COPA: variants seen among roughly 807,000 people sequenced by gnomAD.
COPA encodes the protein coatomer subunit alpha.
Under a neutral mutation model 158.7 loss-of-function variants are expected in COPA, and 10 were observed. That is an observed-to-expected ratio of 0.06 (90% confidence interval 0.04 to 0.11). The LOEUF (loss-of-function observed/expected upper bound fraction) is 0.11, where lower values mean the gene tolerates loss of function less well. Ranked by LOEUF, COPA falls within the 10% of genes least tolerant of loss-of-function variation. COPA has a pLI of 1.00. For synonymous variants in COPA, 462 were observed against 542.8 expected, an observed-to-expected ratio of 0.85 and a Z score of 2.07; for missense variants, 1,065 against 1,536.7, an observed-to-expected ratio of 0.69 and a Z score of 5.13.
At chr1:160,315,581 G>A (rs1438273917) in intron 8 of COPA, among the ~76,000 whole-genome samples, 1 of 152,178 alleles carries the variant, frequency 6.6e-6, no homozygotes, top group Non-Finnish European at 1.5e-5. Flanking sequence ...CGGACTTAAG[G>A]TGTCACCTAA....
intron 28 of COPA, 117 bp downstream of exon 28, chr1:160,292,367 T>C: frequency 6.3e-7 from 1 of 1,580,956 alleles, no homozygotes; most frequent in Non-Finnish European, 8.6e-7. Context: ...AAACCAAAGA[T>C]CTTTTTCTAC....
chr1:160,310,160 G>A, intron 12 of COPA, 32 bp downstream of exon 12: 1 of 1,397,838 alleles, frequency 7.2e-7, no homozygotes, highest in Admixed American at 2.5e-5. Flanking sequence ...GGAAAATGAG[G>A]AGAACCTAGG....
chr1:160,288,723 T>C lies in COPA; in HGVS notation c.*1434A>G, dbSNP rs2101815547. On this transcript the variant is annotated 3_prime_UTR_variant, in exon 33 of 33. Transcript: ENST00000241704. ...TATTCTTAGCATATGACAAGCAAAA[T>C]ATTGTATTGTTAATGTAATCATTGT... Among the ~76,000 whole-genome samples the C allele has an allele frequency of 6.6e-6, 1 of 152,286 alleles. No individual in the cohort carries two copies. Among genetic ancestry groups the C allele is most frequent in the South Asian group, 2.1e-4 (1 of 4,828 alleles).
rs146475810 is a variant in COPA, at chr1:160,294,417, C to T, written c.2676+67G>A. On this transcript the variant is annotated intron_variant, in intron 25 of 32. Coordinates refer to ENST00000241704, the MANE Select transcript of COPA (RefSeq NM_004371.4). ...GAGACCTGAGGATAGTGGTAGGGGA[C>T]AATAAGGCCTCTGGCTTCCACAGGG... 1.4e-4 allele frequency: 191 copies of T among 1,364,914 alleles called. 2 individuals are homozygous for T. The highest frequency in any genetic ancestry group is 9.0e-4 in the Middle Eastern group (5 of 5,542). 84.6% of individuals were successfully genotyped at this position (1,364,914 alleles called of 1,614,324 possible). A position where few individuals can be genotyped will look rare whatever the true frequency, so the allele number is the denominator to read the frequency against.
At chr1:160,328,385 CA>C (rs1483472872) in intron 6 of COPA, among the ~76,000 whole-genome samples, 1 of 152,176 alleles carries the variant, frequency 6.6e-6, no homozygotes, top group African/African-American at 2.4e-5. Context: ...AGGGCAAAAA[CA>C]GACAGATGAA....
intron 8 of COPA, among the ~76,000 whole-genome samples, chr1:160,322,989 GCACACACACACA>G (rs112126446): frequency 1.4e-5 from 2 of 145,410 alleles, no homozygotes; most frequent in Middle Eastern, 7.0e-3. Context: ...ACGCGCACGT[GCACACACACACA>G]CACACACACA....
intron 7 of COPA, among the ~76,000 whole-genome samples, chr1:160,324,313 TGAG>T (rs1167227053): frequency 7.0e-6 from 1 of 142,270 alleles, no homozygotes; most frequent in African/African-American, 2.6e-5. Flanking sequence ...TTTTTTAAGA[TGAG>T]GTCTTGCTGT....
rs1367399958 is a variant in COPA at position 160,290,146 on chromosome 1, C to G, written c.*11G>C. ...ACATATGGTGACTGACCCATGCACA[C>G]AAAGGGGGCCTTAGCGAAACTGCAG... On this transcript the variant is annotated 3_prime_UTR_variant, in exon 33 of 33. Coordinates refer to ENST00000241704, the MANE Select transcript of COPA (RefSeq NM_004371.4). 1 of 1,613,896 alleles carries G rather than the reference C, an allele frequency of 6.2e-7. No homozygotes were observed. Among genetic ancestry groups the G allele is most frequent in the South Asian group, 1.1e-5 (1 of 91,072 alleles).
chr1:160,305,574 G>GT lies in COPA; in HGVS notation c.1529-4dup. 1 of 1,613,744 alleles carries GT rather than the reference G, an allele frequency of 6.2e-7. No homozygotes were observed. The highest frequency in any genetic ancestry group is 8.5e-7 in the Non-Finnish European group (1 of 1,179,770). On this transcript the variant is annotated splice_polypyrimidine_tract_variant and splice_region_variant and intron_variant, in intron 16 of 32. Coordinates refer to ENST00000241704, the MANE Select transcript of COPA (RefSeq NM_004371.4). ...TTTGCGGTTACAGATCACAATGGCT[G>GT]TAAGAGGCAAAGGGCATGAGTGTTC...
chr1:160,314,666 C>G (rs980386195), intron 8 of COPA, among the ~76,000 whole-genome samples: 16 of 152,210 alleles, frequency 1.1e-4, no homozygotes, highest in African/African-American at 3.9e-4. Flanking sequence ...ATTCTCCATC[C>G]CTTTATCCTG....
chr1:160,307,962 T>C (rs1658842620), intron 13 of COPA, among the ~76,000 whole-genome samples: 1 of 152,228 alleles, frequency 6.6e-6, no homozygotes. Context: ...CCCTGGCATC[T>C]GGAGTGGCAG....
chr1:160,305,625 CT>C, intron 16 of COPA, 54 bp from the exon 17 acceptor site: 1 of 1,613,884 alleles, frequency 6.2e-7, no homozygotes, highest in Non-Finnish European at 8.5e-7. Context: ...GTGCCGTAGA[CT>C]GGCAGGGATC....
chr1:160,330,949 G>A (rs1054899689), intron 6 of COPA, among the ~76,000 whole-genome samples: 3 of 152,044 alleles, frequency 2.0e-5, no homozygotes, highest in Admixed American at 6.6e-5. Flanking sequence ...AAAGGTGGGT[G>A]GATCACCTGA....
Position 160,307,988 on chromosome 1 carries a change from A to G in COPA, c.1220-743T>C, listed in dbSNP as rs573839686. 8.5e-5 allele frequency among the ~76,000 whole-genome samples: 13 copies of G among 152,304 alleles called. No homozygotes were observed. In the South Asian group the frequency reaches 1.9e-3, roughly 22 times the overall value. ...GGAGTGGCAGGCAATTTATGAAACT[A>G]ATTATTATCAAAACCAACACTCCCG... On this transcript the variant is annotated intron_variant, in intron 13 of 32. Transcript: ENST00000241704.
chr1:160,294,139 C>A, intron 25 of COPA, among the ~76,000 whole-genome samples: 1 of 152,284 alleles, frequency 6.6e-6, no homozygotes, highest in East Asian at 1.9e-4. Context: ...CTAACTTTGA[C>A]TCTCTCGTTC....
intron 6 of COPA, among the ~76,000 whole-genome samples, chr1:160,332,043 A>G (rs548712620): frequency 6.6e-6 from 1 of 152,302 alleles, no homozygotes; most frequent in Non-Finnish European, 1.5e-5. Context: ...GAGAGATTTT[A>G]CTATTTTTAA....
intron 8 of COPA, among the ~76,000 whole-genome samples, chr1:160,319,933 AG>A (rs1659279091): frequency 6.7e-6 from 1 of 148,676 alleles, no homozygotes; most frequent in African/African-American, 2.4e-5. Flanking sequence ...AAAAAAAAAA[AG>A]GAAAGACTCC....
chr1:160,307,606 C>A (rs1037240231), intron 13 of COPA, among the ~76,000 whole-genome samples: 40 of 136,336 alleles, frequency 2.9e-4, no homozygotes, highest in African/African-American at 1.2e-3. Context: ...TGTCATAGGA[C>A]CCCCTCCACA....
At chr1:160,323,381 G>T in intron 8 of COPA, 50 bp downstream of exon 8, 1 of 1,498,804 alleles carries the variant, frequency 6.7e-7, no homozygotes, top group Non-Finnish European at 9.1e-7. Context: ...ACTTTACCTT[G>T]CTGGCTGGCA....
Sources: allele counts gnomAD v4.1 joint callset (sites outside exome capture counted in the v4.1 genomes callset), GRCh38; gene constraint gnomAD v4.1.1; transcripts MANE v1.5; gene names NCBI Gene and HGNC (gene_info 2026-07-23, HGNC 2026-07-21).